SGIP1: variants seen among roughly 807,000 people sequenced by gnomAD.
SGIP1 encodes the protein SH3GL interacting endocytic adaptor 1, also known as SH3-containing GRB2-like protein 3-interacting protein 1.
SGIP1 carries 38 observed loss-of-function variants against 107.5 expected under a neutral mutation model. The observed-to-expected ratio is 0.35, with a 90% confidence interval of 0.27 to 0.46. The LOEUF (loss-of-function observed/expected upper bound fraction) is 0.46, where lower values mean the gene tolerates loss of function less well. SGIP1 is among the 20% of genes least tolerant of loss of function. SGIP1 has a pLI of 1.00. For synonymous variants in SGIP1, 365 were observed against 366.1 expected (o/e 1.00, Z 0.03); for missense variants, 929 against 1,019.5 (o/e 0.91, Z 1.21).
chr1:66,660,432 C>T (rs1557507489), intron 7 of SGIP1, 81 bp from the exon 8 acceptor site: 2 of 1,363,692 alleles, frequency 1.5e-6, no homozygotes, highest in Non-Finnish European at 2.1e-6. Context: ...TTATCCTGAA[C>T]CTTGACCTGT....
chr1:66,642,808 A>G lies in SGIP1; in HGVS notation c.229-2A>G, dbSNP rs774162989. 6.2e-7 allele frequency: 1 copy of G among 1,609,314 alleles called. No individual in the cohort carries two copies. Among genetic ancestry groups the G allele is most frequent in the African/African-American group, 1.3e-5 (1 of 74,736 alleles). ...TACTTCATGTGCACTTGTGTTTTATAGAACTCACCTGAGCTGGATGAAGAA... is the reference window on the plus strand; with the variant it reads ...TACTTCATGTGCACTTGTGTTTTATGGAACTCACCTGAGCTGGATGAAGAA... On this transcript the variant is annotated splice_acceptor_variant, in intron 5 of 24. Transcript: ENST00000371037. LOFTEE classifies it high-confidence loss of function.
intron 8 of SGIP1, among the ~76,000 whole-genome samples, chr1:66,662,097 T>C (rs970385347): frequency 6.6e-6 from 1 of 152,206 alleles, no homozygotes; most frequent in Non-Finnish European, 1.5e-5. Flanking sequence ...CCTACAATAG[T>C]GTGGCAAATT....
At chr1:66,571,088 T>G (rs1160637529) in intron 1 of SGIP1, among the ~76,000 whole-genome samples, 2 of 152,152 alleles carry the variant, frequency 1.3e-5, no homozygotes, top group Middle Eastern at 3.4e-3. Flanking sequence ...CTGGGAAGTA[T>G]TCCTGCCCTT....
At chr1:66,601,936 G>T (rs2065916234) in intron 1 of SGIP1, among the ~76,000 whole-genome samples, 1 of 152,184 alleles carries the variant, frequency 6.6e-6, no homozygotes, top group African/African-American at 2.4e-5. Context: ...GATTAGTAAA[G>T]CAATATCTCT....
chr1:66,583,271 G>A (rs2062064400), intron 1 of SGIP1, among the ~76,000 whole-genome samples: 1 of 152,082 alleles, frequency 6.6e-6, no homozygotes, highest in South Asian at 2.1e-4. Flanking sequence ...GGAAAGTTGG[G>A]ATACATCTAA....
Position 66,682,117 on chromosome 1 carries a change from C to A in SGIP1, c.1063C>A (p.Pro355Thr). ...DSPAPGPLGP[P>T]GPTGPPGPPG... Reference sequence around the variant, plus strand: ...CCCAGCTCCAGGCCCTCTCGGCCCCCCAGGTCCCACAGGCCCCCCAGGGCC... The same window carrying A: ...CCCAGCTCCAGGCCCTCTCGGCCCCACAGGTCCCACAGGCCCCCCAGGGCC... Residue 355 changes from proline (P) to threonine (T), a missense_variant, in exon 15 of 25, where the codon CCA (proline) becomes ACA (threonine). Pro to Thr is a conservative substitution (Grantham distance 38). Coordinates refer to ENST00000371037, the MANE Select transcript of SGIP1 (RefSeq NM_032291.4). 6.2e-7 allele frequency: 1 copy of A among 1,613,720 alleles called. No homozygotes were observed. Among genetic ancestry groups the A allele is most frequent in the South Asian group, 1.1e-5 (1 of 91,084 alleles).
At chr1:66,550,771 T>C (rs2057285376) in intron 1 of SGIP1, among the ~76,000 whole-genome samples, 1 of 152,162 alleles carries the variant, frequency 6.6e-6, no homozygotes, top group South Asian at 2.1e-4. Context: ...ATGAGAAAAC[T>C]GAGGTTCAGA....
In SGIP1 at chr1:66,544,408, G is replaced by A. The variant is rs139220955; in HGVS notation, c.10+10040G>A. On this transcript the variant is annotated intron_variant, in intron 1 of 24. Transcript: ENST00000371037. ...AGGGAATAAAACCAGAATACAGGCC[G>A]GGAGAGGTGGCTCATACCTGTAATT... 1.4e-3 allele frequency among the ~76,000 whole-genome samples: 213 copies of A among 152,288 alleles called. 1 individual carries two copies. Among genetic ancestry groups the A allele is most frequent in the Non-Finnish European group, 2.4e-3 (166 of 68,026 alleles).
intron 1 of SGIP1, among the ~76,000 whole-genome samples, chr1:66,536,692 G>A (rs916307491): frequency 2.6e-5 from 4 of 152,128 alleles, no homozygotes; most frequent in Non-Finnish European, 4.4e-5. Flanking sequence ...GCAGCTCTTC[G>A]TTGAAACATT....
chr1:66,634,562 A>G (rs918381891), intron 3 of SGIP1, among the ~76,000 whole-genome samples: 52 of 152,312 alleles, frequency 3.4e-4, no homozygotes, highest in African/African-American at 1.2e-3. Context: ...TTCATGCCTG[A>G]GTTCCCCAAG....
chr1:66,668,564 G>T (rs2083097456), intron 9 of SGIP1, among the ~76,000 whole-genome samples: 1 of 152,182 alleles, frequency 6.6e-6, no homozygotes, highest in Non-Finnish European at 1.5e-5. Context: ...TACCTGGTCA[G>T]TCCCTTAAGA....
intron 1 of SGIP1, among the ~76,000 whole-genome samples, chr1:66,583,274 A>G (rs2148769394): frequency 6.6e-6 from 1 of 152,250 alleles, no homozygotes; most frequent in Middle Eastern, 3.4e-3. Flanking sequence ...AAGTTGGGAT[A>G]CATCTAAAAT....
chr1:66,626,663 T>G (rs566582150), intron 2 of SGIP1, among the ~76,000 whole-genome samples: 1 of 152,254 alleles, frequency 6.6e-6, no homozygotes, highest in Non-Finnish European at 1.5e-5. Flanking sequence ...AGCAGGTAAC[T>G]TATATATGTG....
At chr1:66,587,398 G>C (rs1304620351) in intron 1 of SGIP1, among the ~76,000 whole-genome samples, 1 of 150,684 alleles carries the variant, frequency 6.6e-6, no homozygotes, top group Non-Finnish European at 1.5e-5. Context: ...TCTATTTTCT[G>C]ATTTGGTAAT....
At chr1:66,738,472 C>T (rs139341180) in intron 21 of SGIP1, among the ~76,000 whole-genome samples, 27 of 152,288 alleles carry the variant, frequency 1.8e-4, no homozygotes, top group Non-Finnish European at 2.8e-4. Flanking sequence ...AACGAACAAT[C>T]GAGAAATTCC....
At position 66,749,816 on chromosome 1, in the gene SGIP1, C is replaced by T. The variant is rs2094600317; in HGVS notation, c.*6721C>T. On this transcript the variant is annotated 3_prime_UTR_variant, in exon 25 of 25. Coordinates refer to ENST00000371037, the MANE Select transcript of SGIP1 (RefSeq NM_032291.4). ...ACCATCACTCTAAGGTATTTTAAAT[C>T]ATACAACAAGTAACTATCACAAGAA... Among the ~76,000 whole-genome samples, 1 of 152,036 alleles carries T rather than the reference C, an allele frequency of 6.6e-6. No individual in the cohort carries two copies. The highest frequency in any genetic ancestry group is 6.6e-5 in the Admixed American group (1 of 15,264).
intron 2 of SGIP1, among the ~76,000 whole-genome samples, chr1:66,630,837 A>AG (rs2074170714): frequency 6.8e-5 from 1 of 14,760 alleles, no homozygotes; most frequent in East Asian, 9.4e-3. Flanking sequence ...GAAAGAAAGA[A>AG]AGAAAGAAAG....
intron 1 of SGIP1, among the ~76,000 whole-genome samples, chr1:66,608,193 C>A (rs2067219260): frequency 6.6e-6 from 1 of 152,192 alleles, no homozygotes; most frequent in African/African-American, 2.4e-5. Flanking sequence ...GAGATGATTA[C>A]ACCCACTTCA....
intron 1 of SGIP1, among the ~76,000 whole-genome samples, chr1:66,600,246 C>T (rs149199887): frequency 2.0e-5 from 3 of 152,284 alleles, no homozygotes; most frequent in Non-Finnish European, 2.9e-5. Context: ...GTGATTATGA[C>T]TCACATTTAA....
Sources: gnomAD v4.1 joint callset for allele counts (sites outside exome capture counted in the v4.1 genomes callset) on GRCh38, gnomAD v4.1.1 for gene constraint, MANE v1.5 for transcripts, NCBI Gene and HGNC (gene_info 2026-07-23, HGNC 2026-07-21) for gene names.